The following SLC16A7 variants were observed in gnomAD, a reference collection of about 807,000 sequenced individuals.
SLC16A7 encodes the protein solute carrier family 16 member 7.
Under a neutral mutation model 34.9 loss-of-function variants are expected in SLC16A7, and 33 were observed. That is an observed-to-expected ratio of 0.94 (90% confidence interval 0.72 to 1.26). SLC16A7 has a LOEUF of 1.26. Among genes scored for constraint, SLC16A7 ranks in the 50% most tolerant of loss-of-function variants. SLC16A7 has a pLI of 0.00. For missense variants in SLC16A7, 573 were observed against 578.1 expected, an observed-to-expected ratio of 0.99 and a Z score of 0.09; for synonymous variants, 201 against 206.6, an observed-to-expected ratio of 0.97 and a Z score of 0.23.
intron 2 of SLC16A7, chr12:59,696,601 A>G (rs996522592): frequency 3.3e-5 from 5 of 152,160 alleles, no homozygotes; most frequent in African/African-American, 1.2e-4. Context: ...AAGACACAAC[A>G]GATATAAATT....
At chr12:59,642,741 C>T (rs1201029184) in intron 1 of SLC16A7, among the ~76,000 whole-genome samples, 1 of 152,014 alleles carries the variant, frequency 6.6e-6, no homozygotes, top group African/African-American at 2.4e-5. Flanking sequence ...TGAGGAAGAA[C>T]ATGCAATCTA....
At position 59,633,340 on chromosome 12, in the gene SLC16A7, T is replaced by C. The variant is rs115507202; in HGVS notation, c.-129-21812T>C. On this transcript the variant is annotated intron_variant, in intron 1 of 5. Coordinates refer to ENST00000547379, the MANE Select transcript of SLC16A7 (RefSeq NM_001270623.2). ...AAGTAACAGATACATCAGATACTAA[T>C]GGACTACTAATCATATCAGTTCATA... is the stretch of plus-strand genomic sequence containing the variant. Among the ~76,000 whole-genome samples the C allele has an allele frequency of 8.3e-3, 1,262 of 152,166 alleles. 15 individuals are homozygous for C. The highest frequency in any genetic ancestry group is 0.029 in the African/African-American group (1,215 of 41,558).
chr12:59,722,976 T>C (rs1186683083), intron 3 of SLC16A7, among the ~76,000 whole-genome samples: 1 of 151,968 alleles, frequency 6.6e-6, no homozygotes, highest in Non-Finnish European at 1.5e-5. Context: ...TGTATTTTAC[T>C]TTAATTTAAA....
intron 3 of SLC16A7, among the ~76,000 whole-genome samples, chr12:59,722,675 T>C (rs1294828291): frequency 6.6e-6 from 1 of 151,930 alleles, no homozygotes; most frequent in Non-Finnish European, 1.5e-5. Flanking sequence ...ATGCCCTCAT[T>C]TCTTTCAGGC....
At chr12:59,659,505 C>T (rs1388492374) in intron 2 of SLC16A7, among the ~76,000 whole-genome samples, 2 of 152,080 alleles carry the variant, frequency 1.3e-5, no homozygotes, top group African/African-American at 4.8e-5. Flanking sequence ...GGCATCCCTC[C>T]TGTACATAAT....
At chr12:59,731,794 C>T (rs960333622) in intron 3 of SLC16A7, among the ~76,000 whole-genome samples, 1 of 152,022 alleles carries the variant, frequency 6.6e-6, no homozygotes, top group Non-Finnish European at 1.5e-5. Flanking sequence ...TTGTTTCATA[C>T]CATCATGGCA....
At chr12:59,700,022 G>C (rs1872706722) in intron 2 of SLC16A7, among the ~76,000 whole-genome samples, 1 of 151,296 alleles carries the variant, frequency 6.6e-6, no homozygotes, top group Non-Finnish European at 1.5e-5. Flanking sequence ...CTCAGTACAA[G>C]AAAACTGTGA....
At chr12:59,675,856 T>G (rs1592476198) in intron 2 of SLC16A7, among the ~76,000 whole-genome samples, 3 of 152,150 alleles carry the variant, frequency 2.0e-5, no homozygotes, top group Non-Finnish European at 2.9e-5. Context: ...CACTTACATA[T>G]TAAGTATACT....
chr12:59,732,212 T>G (rs1220436660), intron 3 of SLC16A7, among the ~76,000 whole-genome samples: 2 of 151,724 alleles, frequency 1.3e-5, no homozygotes, highest in Non-Finnish European at 1.5e-5. Flanking sequence ...GAGGTCAGAG[T>G]TCGAGACCAG....
intron 1 of SLC16A7, among the ~76,000 whole-genome samples, chr12:59,640,242 A>G (rs1341932449): frequency 6.6e-6 from 1 of 152,116 alleles, no homozygotes; most frequent in Non-Finnish European, 1.5e-5. Context: ...AGAAACAAAG[A>G]AGACATTAGG....
At chr12:59,677,618 G>A (rs1238836844) in intron 2 of SLC16A7, among the ~76,000 whole-genome samples, 2 of 152,080 alleles carry the variant, frequency 1.3e-5, no homozygotes, top group Non-Finnish European at 2.9e-5. Flanking sequence ...CAAGGCTACT[G>A]TTTTGTCATG....
At chr12:59,622,970 G>A (rs911074798) in intron 1 of SLC16A7, among the ~76,000 whole-genome samples, 1 of 151,376 alleles carries the variant, frequency 6.6e-6, no homozygotes, top group Non-Finnish European at 1.5e-5. Context: ...GGTGGGAGGG[G>A]AAAAGGTAGT....
At chr12:59,766,469 G>T (rs1337289507) in intron 3 of SLC16A7, among the ~76,000 whole-genome samples, 2 of 152,096 alleles carry the variant, frequency 1.3e-5, no homozygotes, top group African/African-American at 2.4e-5. Flanking sequence ...CTGTGGGTTT[G>T]TCATAGATAG....
intron 3 of SLC16A7, among the ~76,000 whole-genome samples, chr12:59,718,800 G>C (rs1465851626): frequency 6.6e-6 from 1 of 152,084 alleles, no homozygotes. Flanking sequence ...TGCCTGCTTT[G>C]CCTTATATTT....
intron 1 of SLC16A7, among the ~76,000 whole-genome samples, chr12:59,627,200 A>G (rs1053280334): frequency 2.0e-5 from 3 of 151,902 alleles, no homozygotes; most frequent in African/African-American, 7.2e-5. Context: ...TTTATGCACA[A>G]TTGGTGAATT....
chr12:59,633,190 G>C (rs2136996346), intron 1 of SLC16A7, among the ~76,000 whole-genome samples: 1 of 151,970 alleles, frequency 6.6e-6, no homozygotes, highest in South Asian at 2.1e-4. Context: ...TTTTGGTTAA[G>C]GTTCCTTTGT....
intron 3 of SLC16A7, among the ~76,000 whole-genome samples, chr12:59,713,953 T>C (rs1466352785): frequency 6.6e-6 from 1 of 152,214 alleles, no homozygotes; most frequent in Non-Finnish European, 1.5e-5. Flanking sequence ...TTTACACTTT[T>C]CCTTATTTCA....
chr12:59,727,321 A>G (rs1592586489), intron 3 of SLC16A7, among the ~76,000 whole-genome samples: 3 of 152,018 alleles, frequency 2.0e-5, no homozygotes, highest in African/African-American at 4.8e-5. Context: ...TGAACAGAGG[A>G]TAGAGGAAAA....
intron 1 of SLC16A7, among the ~76,000 whole-genome samples, chr12:59,654,840 C>T (rs1868455902): frequency 6.6e-6 from 1 of 151,736 alleles, no homozygotes; most frequent in Admixed American, 6.6e-5. Flanking sequence ...GGCACGAAAT[C>T]CTCTGCACCT....
Sources: gnomAD v4.1 joint callset for allele counts (sites outside exome capture counted in the v4.1 genomes callset) on GRCh38, gnomAD v4.1.1 for gene constraint, MANE v1.5 for transcripts, NCBI Gene and HGNC (gene_info 2026-07-23, HGNC 2026-07-21) for gene names.